SLCO2A1: variants seen among roughly 807,000 people sequenced by gnomAD.
SLCO2A1 encodes matrin F/G 1.
A neutral mutation model predicts 71.7 loss-of-function variants in SLCO2A1; 60 were observed. The observed-to-expected ratio is 0.84, with a 90% CI of 0.68 to 1.04. The LOEUF is 1.04. Ranked by LOEUF, SLCO2A1 falls within the 50% of genes least tolerant of loss-of-function variation. SLCO2A1 has a pLI of 0.00. For missense variants in SLCO2A1, 745 were observed against 813.4 expected (o/e 0.92, Z 1.02); for synonymous variants, 308 against 326.7 (o/e 0.94, Z 0.62).
At position 133,945,122 on chromosome 3, in the gene SLCO2A1, G is replaced by T. The variant is rs375938553; in HGVS notation, c.1434C>A (p.Asn478Lys). The T allele has an allele frequency of 8.2e-5, 132 of 1,613,892 alleles. No individual in the cohort carries two copies. The highest frequency in any genetic ancestry group is 7.2e-4 in the South Asian group (66 of 91,054). ...GTTGCTTGGAGGTTGCAGAGCTCATGTTGATGTTGCTGCAGCCGGCATGGC... is the reference window on the plus strand; with the variant it reads ...GTTGCTTGGAGGTTGCAGAGCTCATTTTGATGTTGCTGCAGCCGGCATGGC... The part of the protein sequence containing the change: ...SPCHAGCSNI[N>K]MSSATSKQLI... Residue 478 changes from asparagine (N) to lysine (K), a missense_variant, in exon 10 of 14, where the codon AAC becomes AAA. Coordinates refer to ENST00000310926, the MANE Select transcript of SLCO2A1 (RefSeq NM_005630.3).
chr3:133,935,817 G>A lies in SLCO2A1; in HGVS notation c.1771C>T (p.Arg591Ter), dbSNP rs768030732. 17 of 1,611,014 alleles carry A rather than the reference G, an allele frequency of 1.1e-5. 1 individual carries two copies. Among genetic ancestry groups the A allele is most frequent in the East Asian group, 6.7e-5 (3 of 44,850 alleles). ...IRWNSLCLGRRGACAYYDNDA... is the reference protein window; with the variant it reads ...IRWNSLCLGR ...TTGTCATAGTAGGCGCAGGCCCCTC[G>A]CCTCCCCAAGCACAGCGAGTTCCAC... The change falls in exon 13 of 14, where the codon CGA (arginine) becomes TGA (stop). Residue 591 changes from arginine to a stop codon, truncating the protein, a stop_gained. Coordinates refer to ENST00000310926, the MANE Select transcript of SLCO2A1 (RefSeq NM_005630.3). LOFTEE classifies it high-confidence loss of function.
intron 1 of SLCO2A1, among the ~76,000 whole-genome samples, chr3:133,992,091 T>C (rs1934860092): frequency 6.6e-6 from 1 of 152,236 alleles, no homozygotes; most frequent in Non-Finnish European, 1.5e-5. Flanking sequence ...CCAGGATCTC[T>C]TGACCACTTT....
At chr3:134,027,991 C>T (rs1388750893) in intron 1 of SLCO2A1, among the ~76,000 whole-genome samples, 2 of 152,212 alleles carry the variant, frequency 1.3e-5, no homozygotes, top group Non-Finnish European at 2.9e-5. Context: ...GTACTTAACT[C>T]CTTTAGGAGG....
chr3:133,968,772 T>C (rs567878600), intron 3 of SLCO2A1, among the ~76,000 whole-genome samples: 10 of 152,350 alleles, frequency 6.6e-5, no homozygotes, highest in Admixed American at 4.6e-4. Flanking sequence ...TTGGCCAGTT[T>C]CCCATAGAGG....
At chr3:134,001,194 T>C (rs1935097155) in intron 1 of SLCO2A1, among the ~76,000 whole-genome samples, 1 of 151,824 alleles carries the variant, frequency 6.6e-6, no homozygotes, top group Admixed American at 6.6e-5. Context: ...CTCAACTCAC[T>C]GCAACCTCTG....
intron 1 of SLCO2A1, among the ~76,000 whole-genome samples, chr3:134,015,452 G>A (rs1295299705): frequency 2.0e-5 from 3 of 148,258 alleles, no homozygotes; most frequent in East Asian, 2.1e-4. Context: ...TGGGAGGGGG[G>A]AAATGGGGAG....
intron 3 of SLCO2A1, among the ~76,000 whole-genome samples, chr3:133,963,165 T>C (rs538892781): frequency 2.0e-5 from 3 of 152,226 alleles, no homozygotes; most frequent in East Asian, 1.9e-4. Context: ...CATTTAAATA[T>C]GCAGAATTTC....
intron 12 of SLCO2A1, 68 bp downstream of exon 12, chr3:133,938,361 C>A (rs1375204016): frequency 8.9e-6 from 12 of 1,352,702 alleles, no homozygotes; most frequent in Non-Finnish European, 1.3e-5. Flanking sequence ...CGCTACCCTG[C>A]ACCCATAGCC....
At chr3:134,018,435 CA>C (rs1364870115) in intron 1 of SLCO2A1, among the ~76,000 whole-genome samples, 1 of 152,174 alleles carries the variant, frequency 6.6e-6, no homozygotes, top group East Asian at 1.9e-4. Flanking sequence ...GGACATAGGC[CA>C]AGACAAAGTA....
At chr3:133,948,497 G>C (rs1933644067) in intron 8 of SLCO2A1, 39 bp downstream of exon 8, 3 of 1,587,886 alleles carry the variant, frequency 1.9e-6, no homozygotes, top group Non-Finnish European at 2.6e-6. Context: ...TCCTGGCCCA[G>C]GCAAGCCCTG....
chr3:134,015,872 A>T (rs1456228933), intron 1 of SLCO2A1, among the ~76,000 whole-genome samples: 1 of 152,198 alleles, frequency 6.6e-6, no homozygotes, highest in Non-Finnish European at 1.5e-5. Flanking sequence ...AGATCCACAC[A>T]AGTACAGCCA....
At chr3:133,992,754 C>T (rs1397620838) in intron 1 of SLCO2A1, among the ~76,000 whole-genome samples, 1 of 152,190 alleles carries the variant, frequency 6.6e-6, no homozygotes, top group Non-Finnish European at 1.5e-5. Context: ...AGGTGTCTGT[C>T]CAGGGACAGC....
intron 3 of SLCO2A1, among the ~76,000 whole-genome samples, chr3:133,965,926 A>G (rs1434919342): frequency 1.3e-5 from 2 of 152,186 alleles, no homozygotes. Context: ...AGTGGAGTAT[A>G]GGAAGAGAGA....
Position 134,029,769 on chromosome 3 carries a change from C to T in SLCO2A1, c.34G>A (p.Gly12Ser). 2 of 1,561,526 alleles carry T rather than the reference C, an allele frequency of 1.3e-6. No individual in the cohort carries two copies. Among genetic ancestry groups the T allele is most frequent in the Non-Finnish European group, 1.7e-6 (2 of 1,159,406 alleles). Reference sequence around the variant, plus strand: ...GCTCGGCTAGTAGAGGTGTCGCTGCCCTGGGACGCGCCGAGCTTGGGCAGG... The same window carrying T: ...GCTCGGCTAGTAGAGGTGTCGCTGCTCTGGGACGCGCCGAGCTTGGGCAGG... ...GLLPKLGASQ[G>S]SDTSTSRAGR... The change falls in exon 1 of 14, where the codon GGC (glycine) becomes AGC (serine). Residue 12 changes from glycine (G) to serine (S), a missense_variant. Physicochemically the swap from Gly to Ser is moderately conservative, Grantham distance 56. Coordinates refer to ENST00000310926, the MANE Select transcript of SLCO2A1 (RefSeq NM_005630.3).
intron 3 of SLCO2A1, among the ~76,000 whole-genome samples, chr3:133,968,289 AC>A (rs1394048077): frequency 6.6e-6 from 1 of 151,380 alleles, no homozygotes; most frequent in Admixed American, 6.6e-5. Context: ...ATACACAATT[AC>A]CCACAAACAA....
At chr3:134,024,639 C>A (rs1158305801) in intron 1 of SLCO2A1, among the ~76,000 whole-genome samples, 1 of 152,158 alleles carries the variant, frequency 6.6e-6, no homozygotes, top group Non-Finnish European at 1.5e-5. Context: ...CAAAGCCTGG[C>A]CCCCAGGTTT....
rs977219300 is a variant in SLCO2A1 at position 134,029,304 on chromosome 3, C to T, written c.96+403G>A. On this transcript the variant is annotated intron_variant, in intron 1 of 13. Transcript: ENST00000310926. ...GTCCCCCTGGCACCTCCAAGCCCAT[C>T]CCATTGACGAAGTAACCGCCCGCTG... Among the ~76,000 whole-genome samples, 5 of 152,302 alleles carry T rather than the reference C, an allele frequency of 3.3e-5. No homozygotes were observed. The Middle Eastern group carries it at 0.014, about 414-fold the overall frequency.
chr3:133,977,645 A>C (rs905440044), intron 2 of SLCO2A1, among the ~76,000 whole-genome samples: 2 of 152,168 alleles, frequency 1.3e-5, no homozygotes, highest in African/African-American at 4.8e-5. Context: ...ACTCAGCAGG[A>C]AAGGGATGGG....
At chr3:134,011,840 C>G (rs1935352229) in intron 1 of SLCO2A1, among the ~76,000 whole-genome samples, 1 of 152,198 alleles carries the variant, frequency 6.6e-6, no homozygotes, top group Non-Finnish European at 1.5e-5. Flanking sequence ...TCCATGAAAG[C>G]TTCCAAAGTT....
Sources: allele counts gnomAD v4.1 joint callset (sites outside exome capture counted in the v4.1 genomes callset), GRCh38; gene constraint gnomAD v4.1.1; transcripts MANE v1.5; gene names NCBI Gene and HGNC (gene_info 2026-07-23, HGNC 2026-07-21).